Variants in RIMS2 observed in about 807,000 individuals in gnomAD.
The protein encoded by RIMS2 is regulating synaptic membrane exocytosis protein 2.
In RIMS2, 59 loss-of-function variants were observed where a neutral mutation model predicts 174.4. The ratio of observed to expected loss-of-function variants is 0.34; its 90% CI spans 0.27 to 0.42. RIMS2 has a LOEUF of 0.42. RIMS2 is among the 10% of genes least tolerant of loss of function. The pLI is 1.00. For synonymous variants in RIMS2, 606 were observed against 572.5 expected (o/e 1.06, Z -0.84); for missense variants, 1,620 against 1,666.3 (o/e 0.97, Z 0.48).
intron 2 of RIMS2, among the ~76,000 whole-genome samples, chr8:103,742,146 A>G (rs1418104056): frequency 1.3e-5 from 2 of 152,122 alleles, no homozygotes; most frequent in Non-Finnish European, 2.9e-5. Context: ...GCTTTAAAGT[A>G]TAAGTATTAT....
At chr8:103,936,176 A>G (rs904670163) in intron 12 of RIMS2, among the ~76,000 whole-genome samples, 1 of 152,220 alleles carries the variant, frequency 6.6e-6, no homozygotes, top group African/African-American at 2.4e-5. Context: ...TTAAGTGAAT[A>G]GTATATGTAA....
intron 19 of RIMS2, among the ~76,000 whole-genome samples, chr8:104,030,348 A>G (rs1434933384): frequency 6.6e-6 from 1 of 152,148 alleles, no homozygotes; most frequent in Non-Finnish European, 1.5e-5. Flanking sequence ...AAAATCAAAT[A>G]TATATAATTA....
chr8:103,885,372 A>C (rs1174632455), exon 4 of RIMS2: 1 of 1,612,546 alleles, frequency 6.2e-7, no homozygotes, highest in Admixed American at 1.7e-5. Flanking sequence ...GAATATTCAC[A>C]GTATGCTACT....
intron 19 of RIMS2, among the ~76,000 whole-genome samples, chr8:104,131,219 T>A (rs957671836): frequency 1.3e-5 from 2 of 152,194 alleles, no homozygotes; most frequent in Non-Finnish European, 2.9e-5. Flanking sequence ...TAGATTATTA[T>A]GTAAGTGGTA....
intron 4 of RIMS2, among the ~76,000 whole-genome samples, chr8:103,887,993 T>C (rs1397190155): frequency 1.1e-4 from 16 of 151,508 alleles, no homozygotes; most frequent in Non-Finnish European, 1.9e-4. Flanking sequence ...ACCCTTGAAG[T>C]ATTTTATTTC....
At chr8:104,037,008 T>C (rs2096531834) in intron 19 of RIMS2, among the ~76,000 whole-genome samples, 1 of 152,226 alleles carries the variant, frequency 6.6e-6, no homozygotes, top group African/African-American at 2.4e-5. Flanking sequence ...ATTGTAAATG[T>C]TCAGTAATTT....
chr8:103,791,188 A>T (rs181227973), intron 3 of RIMS2, among the ~76,000 whole-genome samples: 1 of 152,194 alleles, frequency 6.6e-6, no homozygotes, highest in East Asian at 1.9e-4. Context: ...CGGGTTACCC[A>T]CAAAGGGAGG....
intron 19 of RIMS2, among the ~76,000 whole-genome samples, chr8:104,130,314 G>A (rs533558133): frequency 1.3e-5 from 2 of 152,308 alleles, no homozygotes; most frequent in South Asian, 4.1e-4. Flanking sequence ...CCTGTACACC[G>A]AGCAGTCCTG....
At chr8:103,626,380 G>C (rs1251394668) in intron 1 of RIMS2, among the ~76,000 whole-genome samples, 2 of 152,020 alleles carry the variant, frequency 1.3e-5, no homozygotes, top group Non-Finnish European at 2.9e-5. Context: ...CATTGAAGAA[G>C]CAATATACTA....
chr8:104,176,147 C>G (rs2098891640), intron 19 of RIMS2, among the ~76,000 whole-genome samples: 3 of 152,114 alleles, frequency 2.0e-5, no homozygotes, highest in Admixed American at 2.0e-4. Context: ...CTTGCTTATA[C>G]CTGTGCTACC....
At chr8:103,610,892 G>A (rs2095345788) in intron 1 of RIMS2, among the ~76,000 whole-genome samples, 1 of 152,164 alleles carries the variant, frequency 6.6e-6, no homozygotes, top group Non-Finnish European at 1.5e-5. Flanking sequence ...AGTTTCAATA[G>A]GAATGGTATC....
chr8:103,810,741 A>G (rs909201916), intron 3 of RIMS2, among the ~76,000 whole-genome samples: 10 of 152,200 alleles, frequency 6.6e-5, no homozygotes, highest in Non-Finnish European at 7.3e-5. Context: ...TGTCAAAGTG[A>G]AACAAATATT....
intron 10 of RIMS2, chr8:103,922,640 A>T: frequency 2.5e-6 from 1 of 403,030 alleles, no homozygotes; most frequent in Non-Finnish European, 5.0e-6. Flanking sequence ...GATTAAAAAA[A>T]AGTTACAGTT....
intron 19 of RIMS2, among the ~76,000 whole-genome samples, chr8:104,215,827 A>G (rs2099127283): frequency 6.6e-6 from 1 of 152,202 alleles, no homozygotes; most frequent in South Asian, 2.1e-4. Context: ...CCCTAGGGAG[A>G]CTGGGAAAAA....
At chr8:104,018,150 G>T (rs1286765622) in intron 19 of RIMS2, among the ~76,000 whole-genome samples, 5 of 152,166 alleles carry the variant, frequency 3.3e-5, no homozygotes, top group Non-Finnish European at 1.5e-5. Flanking sequence ...TCATTGAAGA[G>T]TAACAGATAT....
At chr8:103,642,207 T>C (rs1161736119) in intron 1 of RIMS2, among the ~76,000 whole-genome samples, 2 of 152,172 alleles carry the variant, frequency 1.3e-5, no homozygotes, top group Non-Finnish European at 1.5e-5. Flanking sequence ...AGCATATCAA[T>C]TGTACTTCCT....
At chr8:104,094,236 C>T (rs2097714010) in intron 19 of RIMS2, among the ~76,000 whole-genome samples, 1 of 151,838 alleles carries the variant, frequency 6.6e-6, no homozygotes, top group Non-Finnish European at 1.5e-5. Flanking sequence ...ACAACTTTTA[C>T]CTTTTTTCAT....
At chr8:103,733,379 CT>C (rs1270109764) in intron 2 of RIMS2, among the ~76,000 whole-genome samples, 4 of 152,068 alleles carry the variant, frequency 2.6e-5, no homozygotes, top group Non-Finnish European at 5.9e-5. Flanking sequence ...TTGCCTGGGG[CT>C]GGGGGAAGGG....
intron 2 of RIMS2, 135 bp downstream of exon 5, chr8:103,716,455 A>G (rs1027437384): frequency 6.6e-6 from 1 of 152,078 alleles, no homozygotes; most frequent in Non-Finnish European, 1.5e-5. Context: ...ATTGCTAAAC[A>G]TTATGGCTTA....
Sources: gnomAD v4.1 joint callset for allele counts (sites outside exome capture counted in the v4.1 genomes callset) on GRCh38, gnomAD v4.1.1 for gene constraint, MANE v1.5 for transcripts, NCBI Gene and HGNC (gene_info 2026-07-23, HGNC 2026-07-21) for gene names.